CRACD: variants seen among roughly 807,000 people sequenced by gnomAD.
CRACD encodes the protein capping protein-inhibiting regulator of actin dynamics.
In CRACD, 56 loss-of-function variants were observed where a neutral mutation model predicts 106.8. The observed-to-expected ratio is 0.52, with a 90% confidence interval of 0.42 to 0.66. CRACD has a LOEUF of 0.66. Among genes scored for constraint, CRACD ranks in the 30% least tolerant of loss-of-function variants. The pLI is 0.00. For synonymous variants in CRACD, 754 were observed against 670.8 expected, an observed-to-expected ratio of 1.12 and a Z score of -1.92; for missense variants, 1,730 against 1,623.2, an observed-to-expected ratio of 1.07 and a Z score of -1.13.
chr4:56,145,582 T>A (rs973387211), intron 1 of CRACD, among the ~76,000 whole-genome samples: 91 of 152,220 alleles, frequency 6.0e-4, no homozygotes, highest in African/African-American at 2.1e-3. Context: ...ATTTATTAAT[T>A]TCTGCTTTTA....
At chr4:56,188,684 T>TCA (rs755350704) in intron 2 of CRACD, among the ~76,000 whole-genome samples, 19,549 of 97,138 alleles carry the variant, frequency 0.2, 2,419 homozygotes, top group Non-Finnish European at 0.22. Flanking sequence ...TCTCTCTCTC[T>TCA]CTCACACACA....
intron 6 of CRACD, among the ~76,000 whole-genome samples, chr4:56,311,903 A>G (rs1745182553): frequency 6.6e-6 from 1 of 151,876 alleles, no homozygotes; most frequent in African/African-American, 2.4e-5. Flanking sequence ...CCTACCTTCT[A>G]ATTCAGTGTG....
chr4:56,309,709 C>A (rs1044541904), intron 5 of CRACD, among the ~76,000 whole-genome samples: 2 of 152,130 alleles, frequency 1.3e-5, no homozygotes, highest in East Asian at 3.8e-4. Context: ...CAAAAATTAG[C>A]CGGATGCGGT....
intron 1 of CRACD, among the ~76,000 whole-genome samples, chr4:56,113,272 C>A (rs1734179738): frequency 6.6e-6 from 1 of 152,114 alleles, no homozygotes; most frequent in African/African-American, 2.4e-5. Flanking sequence ...CTAAAAATAT[C>A]AGTTATATTT....
intron 4 of CRACD, among the ~76,000 whole-genome samples, chr4:56,301,558 C>G (rs1041759241): frequency 6.6e-6 from 1 of 152,114 alleles, no homozygotes. Flanking sequence ...GATGAGATGT[C>G]TACTGGAGTG....
chr4:56,079,549 C>T (rs965106524), intron 1 of CRACD, among the ~76,000 whole-genome samples: 8 of 151,312 alleles, frequency 5.3e-5, no homozygotes, highest in African/African-American at 1.2e-4. Context: ...GCGTTCAAAT[C>T]GTTCTCGTGT....
At chr4:56,296,586 G>A (rs1744051660) in intron 3 of CRACD, among the ~76,000 whole-genome samples, 1 of 152,138 alleles carries the variant, frequency 6.6e-6, no homozygotes, top group Admixed American at 6.6e-5. Flanking sequence ...TCAGTTCGGA[G>A]GCACTGCCTG....
At chr4:56,234,484 A>T (rs534663668) in intron 2 of CRACD, among the ~76,000 whole-genome samples, 1 of 152,230 alleles carries the variant, frequency 6.6e-6, no homozygotes, top group East Asian at 1.9e-4. Flanking sequence ...CAGTTGATGG[A>T]TATGTATTTA....
At chr4:56,088,426 C>G (rs1733305635) in intron 1 of CRACD, among the ~76,000 whole-genome samples, 1 of 151,816 alleles carries the variant, frequency 6.6e-6, no homozygotes, top group Admixed American at 6.6e-5. Flanking sequence ...ATCTCTGCCT[C>G]CCGGGTTCAA....
At chr4:56,149,106 G>A (rs1285879521) in intron 1 of CRACD, among the ~76,000 whole-genome samples, 1 of 152,132 alleles carries the variant, frequency 6.6e-6, no homozygotes, top group Non-Finnish European at 1.5e-5. Flanking sequence ...GTGAGCCACC[G>A]TGCCCGGCCT....
chr4:56,070,508 C>T lies in CRACD; in HGVS notation c.-336+21209C>T, dbSNP rs527753477. On this transcript the variant is annotated intron_variant, in intron 1 of 10. Coordinates refer to ENST00000682029, the MANE Select transcript of CRACD (RefSeq NM_001393381.1). ...TAGAGACGGGGTTTCACCGTAGTCT[C>T]AATCTCCTGACCTCGTGATCCGCCC... Among the ~76,000 whole-genome samples the T allele has an allele frequency of 3.9e-5, 6 of 152,266 alleles. No individual in the cohort carries two copies. In the South Asian group the frequency reaches 1.2e-3, roughly 32 times the overall value.
chr4:56,169,042 A>G (rs865779291), intron 1 of CRACD, among the ~76,000 whole-genome samples: 3 of 152,340 alleles, frequency 2.0e-5, no homozygotes, highest in Middle Eastern at 3.4e-3. Context: ...GGGGCTCACT[A>G]CAAAGGCATT....
intron 1 of CRACD, among the ~76,000 whole-genome samples, chr4:56,105,356 G>A (rs1043246494): frequency 3.3e-5 from 5 of 152,080 alleles, no homozygotes; most frequent in African/African-American, 9.7e-5. Context: ...AAAATTAGCC[G>A]AGCGCGGTAG....
intron 2 of CRACD, among the ~76,000 whole-genome samples, chr4:56,240,704 GC>G (rs1249058577): frequency 6.6e-6 from 1 of 152,086 alleles, no homozygotes; most frequent in Non-Finnish European, 1.5e-5. Context: ...TTGCTGTATT[GC>G]CCAGGCTGGT....
At chr4:56,067,924 T>G (rs1437509684) in intron 1 of CRACD, among the ~76,000 whole-genome samples, 2 of 129,670 alleles carry the variant, frequency 1.5e-5, no homozygotes, top group Admixed American at 1.4e-4. Flanking sequence ...TCTCATTCAT[T>G]CAAAAATAAA....
At chr4:56,125,764 CTT>C (rs11289899) in intron 1 of CRACD, among the ~76,000 whole-genome samples, 1,959 of 73,130 alleles carry the variant, frequency 0.027, 11 homozygotes, top group African/African-American at 0.06. Context: ...CATTCTTCTT[CTT>C]TTTTTTTTTT....
chr4:56,320,963 G>T lies in CRACD; in HGVS notation c.3188-2414G>T, dbSNP rs574869804. 1.4e-3 allele frequency: 268 copies of T among 189,808 alleles called. No homozygotes were observed. In the Middle Eastern group the frequency reaches 0.016, roughly 12 times the overall value. 11.8% of individuals were successfully genotyped at this position (189,808 alleles called of 1,614,324 possible). ...ATAAACCAGATCTGAATTCCACATTGTGGTCTTTCACTGCCACGTCTTGTG... is the reference window on the plus strand; with the variant it reads ...ATAAACCAGATCTGAATTCCACATTTTGGTCTTTCACTGCCACGTCTTGTG... On this transcript the variant is annotated intron_variant, in intron 8 of 10. Coordinates refer to ENST00000682029, the MANE Select transcript of CRACD (RefSeq NM_001393381.1).
At chr4:56,216,978 C>T (rs1738725952) in intron 2 of CRACD, among the ~76,000 whole-genome samples, 1 of 125,204 alleles carries the variant, frequency 8.0e-6, no homozygotes, top group South Asian at 2.8e-4. Context: ...CAGAGCGAGA[C>T]TCCGTCTCAA....
chr4:56,056,586 T>TAA (rs35353231), intron 1 of CRACD, among the ~76,000 whole-genome samples: 49 of 137,160 alleles, frequency 3.6e-4, no homozygotes, highest in Middle Eastern at 3.8e-3. Context: ...CCTGTCTCTA[T>TAA]AAAAAAAAAA....
Sources: gnomAD v4.1 joint callset for allele counts (sites outside exome capture counted in the v4.1 genomes callset) on GRCh38, gnomAD v4.1.1 for gene constraint, MANE v1.5 for transcripts, NCBI Gene and HGNC (gene_info 2026-07-23, HGNC 2026-07-21) for gene names.